SPMIP4: variants seen among roughly 807,000 people sequenced by gnomAD.
SPMIP4 encodes sperm-associated microtubule inner protein 4.
the SPMIP4 span, chr7:25,155,124 G>A: frequency 6.2e-7 from 1 of 1,613,318 alleles, no homozygotes; most frequent in Non-Finnish European, 8.5e-7. Context: ...CGTGAAGGTG[G>A]GGAACATGGC....
At chr7:25,151,935 C>T in the SPMIP4 span, among the ~76,000 whole-genome samples, 1 of 152,182 alleles carries the variant, frequency 6.6e-6, no homozygotes, top group East Asian at 1.9e-4. Flanking sequence ...CCACGTCAGC[C>T]TCCTGAGTAG....
At chr7:25,156,407 C>T in the SPMIP4 span, among the ~76,000 whole-genome samples, 1 of 152,176 alleles carries the variant, frequency 6.6e-6, no homozygotes, top group African/African-American at 2.4e-5. Context: ...AAGGACTTTA[C>T]TTTTCAAACT....
chr7:25,171,600 AAAC>A, the SPMIP4 span, among the ~76,000 whole-genome samples: 2 of 152,208 alleles, frequency 1.3e-5, no homozygotes, highest in African/African-American at 4.8e-5. Flanking sequence ...AAAATCTTAA[AAAC>A]AACTAGCTTT....
chr7:25,149,272 G>A, the SPMIP4 span, among the ~76,000 whole-genome samples: 59 of 147,606 alleles, frequency 4.0e-4, 1 homozygote, highest in South Asian at 5.0e-3. Context: ...GAACATTGTA[G>A]ATAAAGAACA....
chr7:25,131,633 C>T, the SPMIP4 span, among the ~76,000 whole-genome samples: 8 of 152,228 alleles, frequency 5.3e-5, no homozygotes, highest in African/African-American at 1.9e-4. This position sits in a 1 kb window ranked among gnomAD's most constrained non-coding sequence, Gnocchi z 4.2. Context: ...AAAATGGCAG[C>T]AGGCCACTTC....
chr7:25,169,290 C>T, the SPMIP4 span, among the ~76,000 whole-genome samples: 1 of 152,054 alleles, frequency 6.6e-6, no homozygotes, highest in South Asian at 2.1e-4. Context: ...AGTTTATTCA[C>T]AGATAAGTGC....
the SPMIP4 span, among the ~76,000 whole-genome samples, chr7:25,172,180 A>T: frequency 3.9e-5 from 6 of 152,204 alleles, no homozygotes; most frequent in African/African-American, 1.4e-4. This position sits in a 1 kb window ranked among gnomAD's most constrained non-coding sequence, Gnocchi z 4.2. Context: ...TTGGTAAAAT[A>T]TTCTGTTAAG....
At chr7:25,164,014 T>A in the SPMIP4 span, among the ~76,000 whole-genome samples, 10 of 152,228 alleles carry the variant, frequency 6.6e-5, no homozygotes, top group Admixed American at 6.5e-5. Context: ...TTGCCATACT[T>A]ACCGAACATT....
At chr7:25,163,633 C>G in the SPMIP4 span, among the ~76,000 whole-genome samples, 1 of 152,198 alleles carries the variant, frequency 6.6e-6, no homozygotes, top group South Asian at 2.1e-4. This position sits in a 1 kb window ranked among gnomAD's most constrained non-coding sequence, Gnocchi z 4.4. Context: ...CTCACTAAGA[C>G]TCACCTGGCT....
the SPMIP4 span, among the ~76,000 whole-genome samples, chr7:25,159,888 C>T: frequency 1.3e-5 from 2 of 151,806 alleles, no homozygotes; most frequent in African/African-American, 2.4e-5. Context: ...ATATATAATA[C>T]ATTAAGCTAG....
the SPMIP4 span, among the ~76,000 whole-genome samples, chr7:25,178,518 T>G: frequency 6.6e-6 from 1 of 152,228 alleles, no homozygotes. Flanking sequence ...TTTGGGCAGA[T>G]GGTAGAAGGG....
the SPMIP4 span, among the ~76,000 whole-genome samples, chr7:25,154,506 TG>T: frequency 6.6e-6 from 1 of 152,204 alleles, no homozygotes; most frequent in Non-Finnish European, 1.5e-5. Context: ...GGTTTGCAGC[TG>T]GGAGAACCTG....
At chr7:25,141,482 G>C in the SPMIP4 span, among the ~76,000 whole-genome samples, 1 of 148,512 alleles carries the variant, frequency 6.7e-6, no homozygotes, top group Non-Finnish European at 1.5e-5. Context: ...TGAGGCATGA[G>C]AATCGCTTGA....
chr7:25,130,273 AAAG>A, the SPMIP4 span, among the ~76,000 whole-genome samples: 2 of 151,908 alleles, frequency 1.3e-5, no homozygotes, highest in East Asian at 3.9e-4. Flanking sequence ...AGAAAAGAAA[AAAG>A]AAAAGCAAGC....
At chr7:25,151,518 A>T in the SPMIP4 span, 1 of 907,266 alleles carries the variant, frequency 1.1e-6, no homozygotes, top group Non-Finnish European at 1.7e-6. Context: ...CCACCATGTC[A>T]AGCCTAGATT....
At chr7:25,158,185 T>C in the SPMIP4 span, among the ~76,000 whole-genome samples, 4 of 151,612 alleles carry the variant, frequency 2.6e-5, no homozygotes, top group African/African-American at 7.3e-5. Context: ...CTGGGCAACA[T>C]AGCAAGAACC....
chr7:25,152,432 T>A, the SPMIP4 span, among the ~76,000 whole-genome samples: 1 of 152,236 alleles, frequency 6.6e-6, no homozygotes, highest in Non-Finnish European at 1.5e-5. Context: ...GAACAAGGGC[T>A]GGTGTTTATT....
chr7:25,130,726 G>C, the SPMIP4 span, among the ~76,000 whole-genome samples: 1 of 152,140 alleles, frequency 6.6e-6, no homozygotes. Context: ...GAACAAGTAG[G>C]GGGTTAGTTT....
At chr7:25,162,710 A>G in the SPMIP4 span, among the ~76,000 whole-genome samples, 1 of 152,200 alleles carries the variant, frequency 6.6e-6, no homozygotes, top group Admixed American at 6.5e-5. Flanking sequence ...TGCTACATGC[A>G]CTAAGGTTTA....
Sources: allele counts gnomAD v4.1 joint callset (sites outside exome capture counted in the v4.1 genomes callset), GRCh38; gene constraint gnomAD v4.1.1; non-coding constraint Gnocchi (gnomAD v3.1); transcripts MANE v1.5; gene names NCBI Gene and HGNC (gene_info 2026-07-23, HGNC 2026-07-21).